RMDN2: variants seen among roughly 807,000 people sequenced by gnomAD.
The protein encoded by RMDN2 is regulator of microtubule dynamics 2, also known as regulator of microtubule dynamics protein 2.
RMDN2 carries 61 observed loss-of-function variants against 52.8 expected under a neutral mutation model. The ratio of observed to expected loss-of-function variants is 1.16; its 90% CI spans 0.94 to 1.43. The LOEUF (loss-of-function observed/expected upper bound fraction) is 1.43. RMDN2 is among the 40% of genes most tolerant of loss of function. The pLI, the probability that RMDN2 is intolerant of heterozygous loss-of-function variation, is 0.00. For synonymous variants in RMDN2, 180 were observed against 153.1 expected (o/e 1.18, Z -1.30); for missense variants, 592 against 475.3 (o/e 1.25, Z -2.28).
Position 37,929,556 on chromosome 2 carries a change from C to A in RMDN2, c.279C>A (p.Ile93=). ...LTNMEELKEE[I]RFLKEAIPKL... is the part of the protein sequence containing the mutation. ...ATATGGAAGAACTCAAAGAGGAAAT[C>A]AGATTTCTTAAAGAAGCTATTCCAA... The change falls in exon 2 of 11, where the codon ATC becomes ATA. Residue 93 remains isoleucine, a synonymous_variant. Transcript: ENST00000354545. 6.4e-7 allele frequency: 1 copy of A among 1,551,712 alleles called. No individual in the cohort carries two copies. The highest frequency in any genetic ancestry group is 8.7e-7 in the Non-Finnish European group (1 of 1,146,972).
At chr2:38,021,117 A>G (rs1558563616), downstream of RMDN2, among the ~76,000 whole-genome samples, 1 of 152,168 alleles carries the variant, frequency 6.6e-6, no homozygotes, top group African/African-American at 2.4e-5. Flanking sequence ...GCACCAATCA[A>G]CACTCTGTAG....
chr2:38,010,410 G>A (rs923460052), intron 10 of RMDN2, among the ~76,000 whole-genome samples: 8 of 152,156 alleles, frequency 5.3e-5, no homozygotes, highest in African/African-American at 1.9e-4. Context: ...CTCGGCAATG[G>A]CTCGCTCCCC....
At chr2:37,995,404 T>G (rs1675405352) in intron 7 of RMDN2, among the ~76,000 whole-genome samples, 1 of 151,792 alleles carries the variant, frequency 6.6e-6, no homozygotes, top group Non-Finnish European at 1.5e-5. Flanking sequence ...AAAGTATATC[T>G]AGAGATAAAG....
chr2:37,962,373 T>G (rs1026239706), intron 2 of RMDN2, among the ~76,000 whole-genome samples: 3 of 152,210 alleles, frequency 2.0e-5, no homozygotes, highest in African/African-American at 7.2e-5. Context: ...GCTGCCTTTC[T>G]TTCAGAGATT....
chr2:37,957,083 C>G (rs1177120647), intron 2 of RMDN2, among the ~76,000 whole-genome samples: 2 of 152,156 alleles, frequency 1.3e-5, no homozygotes, highest in African/African-American at 2.4e-5. Context: ...GGCTTCAAGT[C>G]TTTGCTGTTG....
In RMDN2 at chr2:37,985,878, T is replaced by G. The variant is rs533731909; in HGVS notation, c.792-3663T>G. Reference sequence around the variant, plus strand: ...AATTTGAATAAAATATAGATTTTAGTTAATAGTGTATTAATATTGGTTCAT... The same window carrying G: ...AATTTGAATAAAATATAGATTTTAGGTAATAGTGTATTAATATTGGTTCAT... On this transcript the variant is annotated intron_variant, in intron 5 of 10. Transcript: ENST00000354545. Among the ~76,000 whole-genome samples, 9 of 152,288 alleles carry G rather than the reference T, an allele frequency of 5.9e-5. No individual in the cohort carries two copies. In the South Asian group the frequency reaches 1.4e-3, roughly 25 times the overall value.
At chr2:37,936,024 A>G (rs909701567) in intron 2 of RMDN2, among the ~76,000 whole-genome samples, 1 of 151,870 alleles carries the variant, frequency 6.6e-6, no homozygotes, top group Non-Finnish European at 1.5e-5. Context: ...ATGTTAGGTA[A>G]TTGTCCTAAT....
intron 2 of RMDN2, among the ~76,000 whole-genome samples, chr2:37,932,226 T>C (rs2124896258): frequency 6.7e-6 from 1 of 149,744 alleles, no homozygotes; most frequent in South Asian, 2.1e-4. Context: ...GCAGTGTTTG[T>C]GTCCCTGGGT....
intron 4 of RMDN2, among the ~76,000 whole-genome samples, chr2:37,979,643 C>T (rs1345930746): frequency 1.3e-5 from 2 of 152,008 alleles, no homozygotes; most frequent in African/African-American, 4.8e-5. Flanking sequence ...ATTAAGTAAT[C>T]GATATGAATG....
At chr2:38,049,594 C>A (rs536505096) in intron 10 of RMDN2, among the ~76,000 whole-genome samples, 2 of 152,204 alleles carry the variant, frequency 1.3e-5, no homozygotes, top group East Asian at 3.9e-4. Context: ...CATTTTAGAG[C>A]CAAGGTCTCA....
At chr2:37,978,813 T>TAGATAGATAGAG (rs1180325489) in intron 4 of RMDN2, among the ~76,000 whole-genome samples, 2 of 151,714 alleles carry the variant, frequency 1.3e-5, no homozygotes, top group African/African-American at 2.4e-5. Context: ...GATAGATAGA[T>TAGATAGATAGAG]AGAGAACAGG....
intron 2 of RMDN2, among the ~76,000 whole-genome samples, chr2:37,957,712 T>G (rs1175532143): frequency 6.6e-6 from 1 of 152,048 alleles, no homozygotes; most frequent in Admixed American, 6.6e-5. Flanking sequence ...GTCATGAAGT[T>G]TTTGCCCATG....
intron 2 of RMDN2, among the ~76,000 whole-genome samples, chr2:37,932,951 C>T (rs1172268280): frequency 5.3e-5 from 8 of 151,362 alleles, no homozygotes; most frequent in Admixed American, 1.3e-4. Flanking sequence ...AGGTGGCTGC[C>T]GGGCGGAGAC....
At position 38,017,414 on chromosome 2, in the gene RMDN2, T is replaced by G; in HGVS notation, c.*175T>G. 7.6e-7 allele frequency: 1 copy of G among 1,311,978 alleles called. No individual in the cohort carries two copies. Among genetic ancestry groups the G allele is most frequent in the Non-Finnish European group, 9.9e-7 (1 of 1,005,160 alleles). 81.3% of individuals were successfully genotyped at this position (1,311,978 alleles called of 1,614,324 possible). Reference sequence around the variant, plus strand: ...TAGTAGCACTACAAAATTAATTATGTTATTTGGAGAATCTATATACTATAA... The same window carrying G: ...TAGTAGCACTACAAAATTAATTATGGTATTTGGAGAATCTATATACTATAA... On this transcript the variant is annotated 3_prime_UTR_variant, in exon 11 of 11. Coordinates refer to ENST00000354545, the MANE Select transcript of RMDN2 (RefSeq NM_001170791.3).
chr2:37,990,677 A>T (rs1200230688), intron 6 of RMDN2, among the ~76,000 whole-genome samples: 1 of 152,116 alleles, frequency 6.6e-6, no homozygotes, highest in East Asian at 1.9e-4. Flanking sequence ...TAGACAAATA[A>T]AGTAAGTAAT....
chr2:37,951,132 T>C (rs1248844340), intron 2 of RMDN2: 60 of 1,126,838 alleles, frequency 5.3e-5, no homozygotes, highest in Non-Finnish European at 1.2e-6. Context: ...CAATACCAAT[T>C]GGTGGACACC....
At chr2:37,932,906 G>T (rs1296861459) in intron 2 of RMDN2, among the ~76,000 whole-genome samples, 3 of 150,140 alleles carry the variant, frequency 2.0e-5, no homozygotes, top group Admixed American at 6.6e-5. Context: ...GGCTGGCCGG[G>T]CGGGGGGCTG....
intron 10 of RMDN2, among the ~76,000 whole-genome samples, chr2:38,060,051 C>T (rs996862353): frequency 1.3e-5 from 2 of 150,714 alleles, no homozygotes; most frequent in East Asian, 1.9e-4. Context: ...GTGTGTGCCA[C>T]GACGCCCAGC....
intron 2 of RMDN2, among the ~76,000 whole-genome samples, chr2:37,969,150 C>T (rs1274069491): frequency 1.3e-5 from 2 of 151,240 alleles, no homozygotes; most frequent in Non-Finnish European, 2.9e-5. Flanking sequence ...TTAGCTTTAT[C>T]CTTTATACTG....
Sources: gnomAD v4.1 joint callset for allele counts (sites outside exome capture counted in the v4.1 genomes callset) on GRCh38, gnomAD v4.1.1 for gene constraint, MANE v1.5 for transcripts, NCBI Gene and HGNC (gene_info 2026-07-23, HGNC 2026-07-21) for gene names.